MAF: variants seen among roughly 807,000 people sequenced by gnomAD.
The protein encoded by MAF is MAF bZIP transcription factor.
MAF carries 10 observed loss-of-function variants against 22.0 expected under a neutral mutation model. The ratio of observed to expected loss-of-function variants is 0.45; its 90% confidence interval spans 0.28 to 0.77. The LOEUF (loss-of-function observed/expected upper bound fraction) is 0.77, where lower values mean the gene tolerates loss of function less well. Ranked by LOEUF, MAF falls within the 30% of genes least tolerant of loss-of-function variation. MAF has a pLI of 0.12. For synonymous variants in MAF, 337 were observed against 255.8 expected (o/e 1.32, Z -3.03); for missense variants, 544 against 548.4 (o/e 0.99, Z 0.08).
chr16:79,264,154 A>AAGTGAG, the MAF span, among the ~76,000 whole-genome samples: 2 of 152,196 alleles, frequency 1.3e-5, no homozygotes, highest in Admixed American at 1.3e-4. Context: ...AAGTGAGATC[A>AAGTGAG]TATTGTAGGA....
At chr16:79,448,671 C>T in the MAF span, among the ~76,000 whole-genome samples, 23 of 152,076 alleles carry the variant, frequency 1.5e-4, no homozygotes, top group Admixed American at 4.6e-4. Context: ...GTGATCCACA[C>T]GCCTCAACCT....
chr16:79,591,013 A>C (rs915189557), downstream of MAF, among the ~76,000 whole-genome samples: 1 of 152,042 alleles, frequency 6.6e-6, no homozygotes, highest in Non-Finnish European at 1.5e-5. Flanking sequence ...TCCTGACCTA[A>C]TTTTTCAGGC....
the MAF span, among the ~76,000 whole-genome samples, chr16:79,347,750 C>A: frequency 3.9e-5 from 6 of 152,236 alleles, no homozygotes; most frequent in African/African-American, 1.4e-4. Flanking sequence ...ACAACCCGGG[C>A]CAAGAGCTCA....
the MAF span, among the ~76,000 whole-genome samples, chr16:79,252,024 G>T: frequency 6.6e-6 from 1 of 152,242 alleles, no homozygotes; most frequent in South Asian, 2.1e-4. Flanking sequence ...CCTGCAAATA[G>T]CATCCTTTGG....
the MAF span, among the ~76,000 whole-genome samples, chr16:79,402,008 A>C: frequency 2.0e-5 from 3 of 152,152 alleles, no homozygotes; most frequent in African/African-American, 4.8e-5. Context: ...AAAGAGGTTA[A>C]ATGCCCAAAG....
the MAF span, among the ~76,000 whole-genome samples, chr16:79,495,884 A>G: frequency 6.6e-6 from 1 of 152,210 alleles, no homozygotes; most frequent in Non-Finnish European, 1.5e-5. Context: ...CAAATCAGAA[A>G]TATCTCTGCC....
At chr16:79,228,171 G>T in the MAF span, among the ~76,000 whole-genome samples, 5 of 152,154 alleles carry the variant, frequency 3.3e-5, no homozygotes, top group East Asian at 9.7e-4. Flanking sequence ...CCAAAGGGAG[G>T]TTGGGATTAT....
chr16:79,358,911 G>A, the MAF span, among the ~76,000 whole-genome samples: 1 of 152,216 alleles, frequency 6.6e-6, no homozygotes, highest in Non-Finnish European at 1.5e-5. Flanking sequence ...GAAGTGGTCA[G>A]TGCTGTGATG....
intron 1 of MAF, chr16:79,596,840 T>C: frequency 9.5e-7 from 1 of 1,049,108 alleles, no homozygotes. Flanking sequence ...AGTAATGCCA[T>C]TTTTATAACT....
downstream of MAF, among the ~76,000 whole-genome samples, chr16:79,592,603 C>G (rs1597839345): frequency 6.6e-6 from 1 of 152,320 alleles, no homozygotes. Context: ...CTGCCTGGAC[C>G]TGGGACATCT....
At chr16:79,456,621 C>A in the MAF span, among the ~76,000 whole-genome samples, 1 of 152,134 alleles carries the variant, frequency 6.6e-6, no homozygotes, top group African/African-American at 2.4e-5. Context: ...TTAGAGAAAG[C>A]CGTTCTTTAC....
chr16:79,579,005 T>C, the MAF span, among the ~76,000 whole-genome samples: 1 of 152,168 alleles, frequency 6.6e-6, no homozygotes, highest in African/African-American at 2.4e-5. Context: ...GCTTTATATT[T>C]TACCTTTGGG....
chr16:79,307,513 T>C, the MAF span, among the ~76,000 whole-genome samples: 1 of 152,136 alleles, frequency 6.6e-6, no homozygotes, highest in Non-Finnish European at 1.5e-5. Context: ...ATTGAGGAAA[T>C]ACCCCACACA....
At chr16:79,234,689 AG>A in the MAF span, among the ~76,000 whole-genome samples, 12 of 152,224 alleles carry the variant, frequency 7.9e-5, no homozygotes, top group East Asian at 2.3e-3. Flanking sequence ...AGGTAGTGGT[AG>A]CCCCTGACTT....
the MAF span, among the ~76,000 whole-genome samples, chr16:79,519,836 G>A: frequency 6.6e-6 from 1 of 152,328 alleles, no homozygotes; most frequent in South Asian, 2.1e-4. Flanking sequence ...CACCATGTGG[G>A]GAAAAAAGGT....
chr16:79,586,316 C>A (rs1912836936), intron 1 of MAF, among the ~76,000 whole-genome samples: 1 of 152,166 alleles, frequency 6.6e-6, no homozygotes, highest in South Asian at 2.1e-4. Context: ...TTCTGTTGGG[C>A]TTCTCTCAAG....
the MAF span, among the ~76,000 whole-genome samples, chr16:79,458,034 G>T: frequency 6.6e-6 from 1 of 150,562 alleles, no homozygotes; most frequent in African/African-American, 2.4e-5. Context: ...CAATATGGAT[G>T]ATCGAAAAGA....
chr16:79,373,257 G>A, the MAF span, among the ~76,000 whole-genome samples: 15 of 150,516 alleles, frequency 1.0e-4, no homozygotes, highest in Non-Finnish European at 1.9e-4. Flanking sequence ...AGTATTGACA[G>A]GTGGGACCTT....
the MAF span, among the ~76,000 whole-genome samples, chr16:79,546,441 A>G: frequency 6.6e-6 from 1 of 152,186 alleles, no homozygotes; most frequent in East Asian, 1.9e-4. Flanking sequence ...AAGTTTTGAC[A>G]ATTTTGAAAA....
Sources: gnomAD v4.1 joint callset for allele counts (sites outside exome capture counted in the v4.1 genomes callset) on GRCh38, gnomAD v4.1.1 for gene constraint, MANE v1.5 for transcripts, NCBI Gene and HGNC (gene_info 2026-07-23, HGNC 2026-07-21) for gene names.